Variants in BCAS3 observed in about 807,000 individuals in gnomAD.
BCAS3 encodes the protein BCAS3 microtubule associated cell migration factor.
BCAS3 carries 53 observed loss-of-function variants against 116.1 expected under a neutral mutation model. The observed-to-expected ratio is 0.46, with a 90% CI of 0.37 to 0.57. The LOEUF (loss-of-function observed/expected upper bound fraction) is 0.57, where lower values mean the gene tolerates loss of function less well. Ranked by LOEUF, BCAS3 falls within the 20% of genes least tolerant of loss-of-function variation. BCAS3 has a pLI of 0.00. For missense variants in BCAS3, 917 were observed against 1,165.4 expected (o/e 0.79, Z 3.10); for synonymous variants, 391 against 408.2 (o/e 0.96, Z 0.51).
intron 13 of BCAS3, among the ~76,000 whole-genome samples, chr17:60,946,220 A>T (rs2060487123): frequency 6.6e-6 from 1 of 152,246 alleles, no homozygotes; most frequent in Admixed American, 6.5e-5. Flanking sequence ...TTTCTGGAAC[A>T]ATTGGACATC....
At chr17:61,190,234 T>C (rs1306644588) in intron 22 of BCAS3, among the ~76,000 whole-genome samples, 2 of 152,040 alleles carry the variant, frequency 1.3e-5, no homozygotes, top group East Asian at 3.9e-4. Flanking sequence ...TGAATAGAAA[T>C]GACTAGCTTG....
At chr17:60,900,580 G>A (rs2057820871) in intron 10 of BCAS3, among the ~76,000 whole-genome samples, 1 of 152,164 alleles carries the variant, frequency 6.6e-6, no homozygotes, top group Admixed American at 6.5e-5. Flanking sequence ...TTTGAAGTGT[G>A]ATTCTCTATG....
intron 9 of BCAS3, among the ~76,000 whole-genome samples, chr17:60,886,179 CTTCATTTCA>C (rs2056619630): frequency 6.9e-6 from 1 of 144,492 alleles, no homozygotes; most frequent in Non-Finnish European, 1.5e-5. Flanking sequence ...TCCCTTCTCG[CTTCATTTCA>C]TTCATTTCAT....
chr17:61,076,788 C>T (rs1054245510), intron 20 of BCAS3, among the ~76,000 whole-genome samples: 6 of 152,110 alleles, frequency 3.9e-5, no homozygotes, highest in African/African-American at 1.4e-4. Flanking sequence ...TTATCTGTGG[C>T]CTAATTTACA....
intron 4 of BCAS3, among the ~76,000 whole-genome samples, chr17:60,694,668 G>A (rs1354678780): frequency 6.7e-6 from 1 of 148,838 alleles, no homozygotes; most frequent in Non-Finnish European, 1.5e-5. Context: ...TTTTTTGGTA[G>A]AGATGAGGTG....
chr17:60,902,544 C>A, intron 10 of BCAS3, 76 bp from the exon 11 acceptor site: 2 of 1,211,752 alleles, frequency 1.7e-6, no homozygotes, highest in Non-Finnish European at 1.2e-6. Flanking sequence ...GGAAAATAAG[C>A]TCTATCCTGA....
Position 61,261,828 on chromosome 17 carries a change from A to AT in BCAS3, c.2426-106492dup, listed in dbSNP as rs2049232321. ...TCCAGGGCGCATAGCAATAACGTGA[A>AT]TTTTTTTGTCTAGTATGACTCCTGC... is the stretch of plus-strand genomic sequence containing the variant. On this transcript the variant is annotated intron_variant, in intron 22 of 23. Coordinates refer to ENST00000407086, the MANE Select transcript of BCAS3 (RefSeq NM_017679.5). The surrounding 1 kb of genome is among the most constrained non-coding windows in gnomAD (Gnocchi z 4.4). Among the ~76,000 whole-genome samples, 2 of 152,142 alleles carry AT rather than the reference A, an allele frequency of 1.3e-5. No homozygotes were observed. The highest frequency in any genetic ancestry group is 1.3e-4 in the Admixed American group (2 of 15,262).
At chr17:61,230,519 A>G (rs560135048) in intron 22 of BCAS3, among the ~76,000 whole-genome samples, 2 of 152,126 alleles carry the variant, frequency 1.3e-5, no homozygotes, top group Admixed American at 1.3e-4. Context: ...TGGGTGCTCA[A>G]TGTTTCACTC....
chr17:60,737,880 C>T (rs528559057), intron 5 of BCAS3, among the ~76,000 whole-genome samples: 17 of 152,048 alleles, frequency 1.1e-4, no homozygotes, highest in Non-Finnish European at 2.2e-4. Context: ...CTTGCCTCTT[C>T]GGTTCAAGCG....
In BCAS3 at chr17:61,185,709, C is replaced by T. The variant is rs906742540; in HGVS notation, c.2425+101145C>T. On this transcript the variant is annotated intron_variant, in intron 22 of 23. Coordinates refer to ENST00000407086, the MANE Select transcript of BCAS3 (RefSeq NM_017679.5). ...TGTTATCCTCTCTCTGAGTGTAAAACGAATCAATTAAAAGCATGTCAAAGC... is the reference window on the plus strand; with the variant it reads ...TGTTATCCTCTCTCTGAGTGTAAAATGAATCAATTAAAAGCATGTCAAAGC... 1.8e-4 allele frequency among the ~76,000 whole-genome samples: 28 copies of T among 152,044 alleles called. 1 individual carries two copies. Among genetic ancestry groups the T allele is most frequent in the African/African-American group, 6.0e-4 (25 of 41,400 alleles).
chr17:60,801,436 G>T (rs1035501748), intron 6 of BCAS3, among the ~76,000 whole-genome samples: 2 of 151,402 alleles, frequency 1.3e-5, no homozygotes, highest in African/African-American at 4.9e-5. Flanking sequence ...CATGTTATCT[G>T]TAAATAGGGA....
At chr17:60,976,020 C>CTTTTTTGTTTTTT (rs2062326789) in intron 14 of BCAS3, among the ~76,000 whole-genome samples, 2 of 98,286 alleles carry the variant, frequency 2.0e-5, no homozygotes, top group Non-Finnish European at 3.5e-5. Flanking sequence ...TAGATTTTTG[C>CTTTTTTGTTTTTT]TTTTTTTTTT....
Position 61,348,214 on chromosome 17 carries a change from G to A in BCAS3, c.2426-20113G>A, listed in dbSNP as rs187177153. 3.3e-5 allele frequency among the ~76,000 whole-genome samples: 5 copies of A among 152,296 alleles called. No individual in the cohort carries two copies. In the East Asian group the frequency reaches 5.8e-4, roughly 18 times the overall value. On this transcript the variant is annotated intron_variant, in intron 22 of 23. Transcript: ENST00000407086. The surrounding 1 kb of genome is among the most constrained non-coding windows in gnomAD (Gnocchi z 4.5). ...TTACTGGTCAGCTGGATGGACGGGC[G>A]ATGTTTGGGCCAATGAGAAGATGGT...
intron 11 of BCAS3, among the ~76,000 whole-genome samples, chr17:60,906,216 T>A (rs1296445597): frequency 6.6e-6 from 1 of 152,218 alleles, no homozygotes; most frequent in Admixed American, 6.5e-5. Flanking sequence ...CCTAAATAAT[T>A]TCTTTTTAAC....
At position 61,029,693 on chromosome 17, in the gene BCAS3, T is replaced by C. The variant is rs1308859049; in HGVS notation, c.1638-4973T>C. On this transcript the variant is annotated intron_variant, in intron 16 of 23. Transcript: ENST00000407086. This position sits in a 1 kb window ranked among gnomAD's most constrained non-coding sequence, Gnocchi z 5.2. ...AGACAATGGGTAGTCCATATAAGTA[T>C]ATTTCTTCCTCATAAAATGTTTTCA... Among the ~76,000 whole-genome samples the C allele has an allele frequency of 1.3e-5, 2 of 151,984 alleles. No homozygotes were observed. The highest frequency in any genetic ancestry group is 2.9e-5 in the Non-Finnish European group (2 of 67,918).
Position 60,947,265 on chromosome 17 carries a change from C to T in BCAS3, c.1134C>T (p.Val378=). 2 of 1,612,802 alleles carry T rather than the reference C, an allele frequency of 1.2e-6. No individual in the cohort carries two copies. Among genetic ancestry groups the T allele is most frequent in the South Asian group, 1.1e-5 (1 of 91,050 alleles). ...ACACCCTTGGCCATGACTTTCATGT[C>T]TTCCAAATTCTGACTCATCCTTGGT... ...TTDTLGHDFH[V]FQILTHPWSS... The change falls in exon 14 of 24, where the codon GTC becomes GTT. Residue 378 remains valine (V), a synonymous_variant. Transcript: ENST00000407086.
rs2079446603 is a variant in BCAS3, at chr17:61,180,988, T to TG, written c.2425+96430dup. Among the ~76,000 whole-genome samples the TG allele has an allele frequency of 1.3e-5, 2 of 151,466 alleles. No individual in the cohort carries two copies. Among genetic ancestry groups the TG allele is most frequent in the South Asian group, 2.1e-4 (1 of 4,772 alleles). On this transcript the variant is annotated intron_variant, in intron 22 of 23. Coordinates refer to ENST00000407086, the MANE Select transcript of BCAS3 (RefSeq NM_017679.5). The surrounding 1 kb of genome is among the most constrained non-coding windows in gnomAD (Gnocchi z 6.0). ...ATCTTAGCACTTTGGGAGGCTGGGG[T>TG]GGGGGGATCACTTGAGCCCAAGAGT... is the stretch of plus-strand genomic sequence containing the variant.
chr17:61,141,053 C>T lies in BCAS3; in HGVS notation c.2425+56489C>T, dbSNP rs2076891570. Among the ~76,000 whole-genome samples the T allele has an allele frequency of 6.6e-6, 1 of 152,052 alleles. No individual in the cohort carries two copies. Among genetic ancestry groups the T allele is most frequent in the Admixed American group, 6.5e-5 (1 of 15,268 alleles). On this transcript the variant is annotated intron_variant, in intron 22 of 23. Transcript: ENST00000407086. This position sits in a 1 kb window ranked among gnomAD's most constrained non-coding sequence, Gnocchi z 4.3. ...ATTATCATGTCTCTTTATCCTGATT[C>T]ACCTGTACAGCGGGACTAGGCTGGT...
chr17:60,869,034 A>G (rs1405068153), intron 8 of BCAS3, among the ~76,000 whole-genome samples: 2 of 152,220 alleles, frequency 1.3e-5, no homozygotes, highest in African/African-American at 4.8e-5. Context: ...ATGCTGATTT[A>G]TGATGTGAAA....
Sources: allele counts gnomAD v4.1 joint callset (sites outside exome capture counted in the v4.1 genomes callset), GRCh38; gene constraint gnomAD v4.1.1; non-coding constraint Gnocchi (gnomAD v3.1); transcripts MANE v1.5; gene names NCBI Gene and HGNC (gene_info 2026-07-23, HGNC 2026-07-21).